NQO1: variants seen among roughly 807,000 people sequenced by gnomAD.
NQO1 encodes the protein NAD(P)H dehydrogenase [quinone] 1.
A neutral mutation model predicts 32.1 loss-of-function variants in NQO1; 30 were observed. The ratio of observed to expected loss-of-function variants is 0.94; its 90% confidence interval spans 0.70 to 1.27. The LOEUF is 1.27. Ranked by LOEUF, NQO1 falls within the 50% of genes most tolerant of loss-of-function variation. The pLI is 0.00. For missense variants in NQO1, 276 were observed against 331.3 expected, an observed-to-expected ratio of 0.83 and a Z score of 1.30; for synonymous variants, 109 against 119.7, an observed-to-expected ratio of 0.91 and a Z score of 0.59.
rs1259053957 is a variant in NQO1, at chr16:69,714,981, C to T, written c.400G>A (p.Asp134Asn). The T allele has an allele frequency of 6.2e-7, 1 of 1,613,376 alleles. No individual in the cohort carries two copies. The highest frequency in any genetic ancestry group is 8.5e-7 in the Non-Finnish European group (1 of 1,179,564). Residue 134 changes from aspartate (D) to asparagine (N), a missense_variant, in exon 4 of 6, where the codon GAC becomes AAC. Asp to Asn is a conservative substitution (Grantham distance 23). Transcript: ENST00000320623. ...EFAYTYAAMY[D>N]KGPFRSKKAV... Reference sequence around the variant, plus strand: ...CCACCTACCCGGAAGGGTCCTTTGTCATACATGGCAGCGTAAGTGTAAGCA... The same window carrying T: ...CCACCTACCCGGAAGGGTCCTTTGTTATACATGGCAGCGTAAGTGTAAGCA...
At chr16:69,719,765 C>T (rs1001345567) in intron 1 of NQO1, among the ~76,000 whole-genome samples, 2 of 151,578 alleles carry the variant, frequency 1.3e-5, no homozygotes, top group African/African-American at 2.4e-5. Context: ...AGAGTAAGAC[C>T]CTGTCTCAGA....
At chr16:69,721,669 T>A (rs1052001972) in intron 1 of NQO1, among the ~76,000 whole-genome samples, 3 of 151,684 alleles carry the variant, frequency 2.0e-5, no homozygotes, top group Non-Finnish European at 4.4e-5. Context: ...AAGTGTGTAG[T>A]CATTAAGTGG....
intron 4 of NQO1, among the ~76,000 whole-genome samples, chr16:69,713,633 T>C (rs192333112): frequency 3.9e-5 from 6 of 152,302 alleles, no homozygotes; most frequent in Admixed American, 3.9e-4. Flanking sequence ...CACCTCTCAG[T>C]ATTCTGCTAT....
rs1049464675 is a variant in NQO1, at chr16:69,710,916, A to G, written c.*60T>C. The G allele has an allele frequency of 9.4e-5, 143 of 1,516,082 alleles. No homozygotes were observed. The highest frequency in any genetic ancestry group is 1.2e-4 in the Non-Finnish European group (139 of 1,122,706). 93.9% of individuals were successfully genotyped at this position (1,516,082 alleles called of 1,614,324 possible). A position where few individuals can be genotyped will look rare whatever the true frequency, so the allele number is the denominator to read the frequency against. On this transcript the variant is annotated 3_prime_UTR_variant, in exon 6 of 6. Coordinates refer to ENST00000320623, the MANE Select transcript of NQO1 (RefSeq NM_000903.3). Reference sequence around the variant, plus strand: ...TCTTAAAAACTAAAGCAAGTCAGGGAAGCCTGGAAAGATACCCAGATTTGA... The same window carrying G: ...TCTTAAAAACTAAAGCAAGTCAGGGGAGCCTGGAAAGATACCCAGATTTGA...
At chr16:69,724,934 C>A (rs2038240984) in intron 1 of NQO1, among the ~76,000 whole-genome samples, 1 of 152,176 alleles carries the variant, frequency 6.6e-6, no homozygotes, top group African/African-American at 2.4e-5. Context: ...CTCATTACCA[C>A]CGCCCTTTTT....
chr16:69,711,128 G>A lies in NQO1; in HGVS notation c.673C>T (p.Pro225Ser), dbSNP rs1258159645. 2.5e-6 allele frequency: 4 copies of A among 1,613,992 alleles called. No individual in the cohort carries two copies. Among genetic ancestry groups the A allele is most frequent in the African/African-American group, 1.3e-5 (1 of 74,886 alleles). Residue 225 changes from proline to serine, a missense_variant, in exon 6 of 6, where the codon CCA becomes TCA. By Grantham distance (74) the Pro-to-Ser change is moderately conservative. Transcript: ENST00000320623. Reference sequence around the variant, plus strand: ...AAGTTTAGGTCAAAGAGGCTGCTTGGAGCAAAATACAGTGGTGTCTCATCC... The same window carrying A: ...AAGTTTAGGTCAAAGAGGCTGCTTGAAGCAAAATACAGTGGTGTCTCATCC... ...IWDETPLYFA[P>S]SSLFDLNFQA...
At chr16:69,720,049 T>C (rs1406320521) in intron 1 of NQO1, among the ~76,000 whole-genome samples, 4 of 152,020 alleles carry the variant, frequency 2.6e-5, no homozygotes, top group Non-Finnish European at 5.9e-5. Context: ...GCCCAGGAGT[T>C]CAAGACCAGC....
At chr16:69,717,092 AGAG>A (rs1399089041) in intron 3 of NQO1, among the ~76,000 whole-genome samples, 2 of 149,224 alleles carry the variant, frequency 1.3e-5, no homozygotes, top group Non-Finnish European at 3.0e-5. Context: ...AAAAAAAAAA[AGAG>A]AGAGAGAGAG....
intron 3 of NQO1, 27 bp downstream of exon 3, chr16:69,718,096 G>T (rs1371316980): frequency 3.7e-6 from 6 of 1,613,512 alleles, no homozygotes; most frequent in South Asian, 1.1e-5. Flanking sequence ...AAATGTCCCT[G>T]ACACCCCTTC....
chr16:69,719,849 G>A (rs2038166396), intron 1 of NQO1, among the ~76,000 whole-genome samples: 1 of 151,974 alleles, frequency 6.6e-6, no homozygotes, highest in South Asian at 2.1e-4. Flanking sequence ...CACAGTGGCT[G>A]GAGCCTGTAA....
At chr16:69,712,988 G>T (rs756070265) in intron 5 of NQO1, 40 bp downstream of exon 5, 3 of 1,531,850 alleles carry the variant, frequency 2.0e-6, no homozygotes, top group Non-Finnish European at 2.7e-6. Flanking sequence ...GTGAGACTCC[G>T]TCTCAAAGAA....
chr16:69,710,981 T>A lies in NQO1; in HGVS notation c.820A>T (p.Lys274Ter). The change falls in exon 6 of 6, where the codon AAA becomes TAA. Residue 274 changes from lysine to a stop codon, truncating the protein, a stop_gained. Coordinates refer to ENST00000320623, the MANE Select transcript of NQO1 (RefSeq NM_000903.3). LOFTEE classifies it high-confidence loss of function. ...IPTDNQIKAR[K>*] Reference sequence around the variant, plus strand: ...GAAATCCAGGCTAAGGAATCTCATTTTCTAGCTTTGATCTGGTTGTCAGTT... The same window carrying A: ...GAAATCCAGGCTAAGGAATCTCATTATCTAGCTTTGATCTGGTTGTCAGTT... 1 of 1,609,152 alleles carries A rather than the reference T, an allele frequency of 6.2e-7. No individual in the cohort carries two copies. Among genetic ancestry groups the A allele is most frequent in the Non-Finnish European group, 8.5e-7 (1 of 1,177,154 alleles).
At position 69,726,415 on chromosome 16, in the gene NQO1, G is replaced by T; in HGVS notation, c.7+18C>A. 6.2e-7 allele frequency: 1 copy of T among 1,611,418 alleles called. No homozygotes were observed. The highest frequency in any genetic ancestry group is 8.5e-7 in the Non-Finnish European group (1 of 1,179,084). On this transcript the variant is annotated intron_variant, in intron 1 of 5. Transcript: ENST00000320623. ...TCGAGAGACGACCGCCAAGCACCCC[G>T]CCCTTTGCAGCACTCACCGACCATG...
chr16:69,719,245 C>T lies in NQO1; in HGVS notation c.8-711G>A, dbSNP rs77097817. Among the ~76,000 whole-genome samples the T allele has an allele frequency of 9.7e-3, 1,475 of 152,222 alleles. 11 individuals carry two copies. The highest frequency in any genetic ancestry group is 0.017 in the Middle Eastern group (5 of 292). On this transcript the variant is annotated intron_variant, in intron 1 of 5. Coordinates refer to ENST00000320623, the MANE Select transcript of NQO1 (RefSeq NM_000903.3). ...TGGTGGGGATAAGAACTGCCTCAAC[C>T]TTTAGGGAAAGTAATGAGGCAGAAT...
At position 69,718,115 on chromosome 16, in the gene NQO1, C is replaced by T; in HGVS notation, c.303+8G>A. The T allele has an allele frequency of 6.2e-7, 1 of 1,613,966 alleles. No individual in the cohort carries two copies. Among genetic ancestry groups the T allele is most frequent in the South Asian group, 1.1e-5 (1 of 91,076 alleles). ...GTCCCTGACACCCCTTCCGATGTCC[C>T]CCCATACCTGGAATATCACAAGGTC... On this transcript the variant is annotated splice_region_variant and intron_variant, in intron 3 of 5. Transcript: ENST00000320623.
rs2151741991 is a variant in NQO1, at chr16:69,711,290, A to G, written c.520-9T>C. The G allele has an allele frequency of 6.2e-7, 1 of 1,600,030 alleles. No homozygotes were observed. Among genetic ancestry groups the G allele is most frequent in the Non-Finnish European group, 8.5e-7 (1 of 1,170,730 alleles). On this transcript the variant is annotated splice_polypyrimidine_tract_variant and intron_variant, in intron 5 of 5. Coordinates refer to ENST00000320623, the MANE Select transcript of NQO1 (RefSeq NM_000903.3). ...AAATGCAGAATGCCACTCTGAGGAT[A>G]CAGAAAGCACAGAGAGGTAAGTCAA...
At chr16:69,723,225 C>T (rs2038217569) in intron 1 of NQO1, among the ~76,000 whole-genome samples, 3 of 152,178 alleles carry the variant, frequency 2.0e-5, no homozygotes, top group Non-Finnish European at 4.4e-5. Context: ...GCCCAGCCAA[C>T]AGTTTTTATT....
At chr16:69,724,460 T>TG (rs1033575229) in intron 1 of NQO1, among the ~76,000 whole-genome samples, 1 of 151,804 alleles carries the variant, frequency 6.6e-6, no homozygotes, top group African/African-American at 2.4e-5. Flanking sequence ...CCAAAAGTGC[T>TG]GGGATTACAG....
At chr16:69,725,578 G>GCC (rs1391095911) in intron 1 of NQO1, among the ~76,000 whole-genome samples, 5 of 152,112 alleles carry the variant, frequency 3.3e-5, no homozygotes, top group African/African-American at 1.2e-4. Context: ...GGCCTCAATG[G>GCC]AAAATGCCTC....
Sources: gnomAD v4.1 joint callset for allele counts (sites outside exome capture counted in the v4.1 genomes callset) on GRCh38, gnomAD v4.1.1 for gene constraint, MANE v1.5 for transcripts, NCBI Gene and HGNC (gene_info 2026-07-23, HGNC 2026-07-21) for gene names.